The following PHRF1 variants were observed in gnomAD, a reference collection of about 807,000 sequenced individuals.
PHRF1 encodes PHD and RING finger domain-containing protein 1.
PHRF1 carries 53 observed loss-of-function variants against 128.9 expected under a neutral mutation model. That is an observed-to-expected ratio of 0.41 (90% confidence interval 0.33 to 0.52). PHRF1 has a LOEUF of 0.52. Ranked by LOEUF, PHRF1 falls within the 20% of genes least tolerant of loss-of-function variation. The pLI is 0.21. For missense variants in PHRF1, 2,503 were observed against 2,284.5 expected (o/e 1.10, Z -1.95); for synonymous variants, 1,178 against 980.6 (o/e 1.20, Z -3.76).
intron 9 of PHRF1, among the ~76,000 whole-genome samples, chr11:599,257 T>TTC (rs1350017644): frequency 7.0e-6 from 1 of 143,220 alleles, no homozygotes; most frequent in Non-Finnish European, 1.5e-5. Context: ...TCTTTTCTTT[T>TTC]TTTTTTTTTT....
rs117610358 is a variant in PHRF1 at position 594,414 on chromosome 11, T to C, written c.620+1740T>C. Among the ~76,000 whole-genome samples the C allele has an allele frequency of 8.0e-4, 122 of 152,352 alleles. No homozygotes were observed. In the East Asian group the frequency reaches 0.02, roughly 25 times the overall value. ...GCCTGGTTTTCCTGTTAGCTTTTAT[T>C]TTACTCATTTACTTATTTTTTTCAA... On this transcript the variant is annotated intron_variant, in intron 6 of 17. Transcript: ENST00000264555.
Position 597,555 on chromosome 11 carries a change from G to C in PHRF1, c.879G>C (p.Thr293=). ...CCGTGAACCGGAACCGGATCTCCAC[G>C]GCCAGGAGGGTCCAGGTGGGTGGCC... is the stretch of plus-strand genomic sequence containing the variant. ...RATVNRNRIS[T]ARRVQHTPGR... is the part of the protein sequence containing the mutation. The change falls in exon 8 of 18, where the codon ACG becomes ACC. Residue 293 remains threonine, a synonymous_variant. Transcript: ENST00000264555. This position sits in a 1 kb window ranked among gnomAD's most constrained non-coding sequence, Gnocchi z 6.5. The C allele has an allele frequency of 6.2e-7, 1 of 1,611,476 alleles. No individual in the cohort carries two copies. The highest frequency in any genetic ancestry group is 8.5e-7 in the Non-Finnish European group (1 of 1,179,244).
intron 4 of PHRF1, among the ~76,000 whole-genome samples, 190 bp from the exon 5 acceptor site, chr11:591,194 G>A (rs372668206): frequency 6.6e-6 from 1 of 152,124 alleles, no homozygotes; most frequent in African/African-American, 2.4e-5. Context: ...TTTCCTCCCC[G>A]CTAGGGCTGG....
chr11:596,880 T>C, intron 6 of PHRF1, 43 bp from the exon 7 acceptor site: 2 of 1,574,498 alleles, frequency 1.3e-6, no homozygotes, highest in Non-Finnish European at 1.7e-6. Flanking sequence ...TTGGGAAAGC[T>C]GTGAGCAGCA....
chr11:604,636 T>C (rs535343709), intron 10 of PHRF1, among the ~76,000 whole-genome samples: 2 of 152,282 alleles, frequency 1.3e-5, no homozygotes, highest in Admixed American at 6.5e-5. Context: ...TGCCTCAGCC[T>C]CCTGAGTAGC....
Position 597,011 on chromosome 11 carries a change from C to T in PHRF1, c.709C>T (p.Leu237Phe). Residue 237 changes from leucine to phenylalanine, a missense_variant, in exon 7 of 18, where the codon CTT becomes TTT. Transcript: ENST00000264555. This position sits in a 1 kb window ranked among gnomAD's most constrained non-coding sequence, Gnocchi z 6.5. ...GGAATGTGCTGCGCCTGGTGTTGTC[C>T]TTGCCGCTGGTAAGGACACTGCTCC... ...CPECAAPGVV[L>F]AADAGPVSEE... 1 of 1,613,788 alleles carries T rather than the reference C, an allele frequency of 6.2e-7. No individual in the cohort carries two copies. The highest frequency in any genetic ancestry group is 8.5e-7 in the Non-Finnish European group (1 of 1,179,836).
intron 6 of PHRF1, 56 bp downstream of exon 6, chr11:592,730 C>G: frequency 1.3e-6 from 2 of 1,565,590 alleles, no homozygotes; most frequent in Non-Finnish European, 1.8e-6. Flanking sequence ...GCGGGCCAGG[C>G]GCAGGAGGGA....
rs1166811589 is a variant in PHRF1, at chr11:612,016, C to T, written c.*239C>T. ...CACTTTTGTATGTATATTATAGAGA[C>T]ACTGTTTCCATTCTAATTTATCAAA... is the stretch of plus-strand genomic sequence containing the variant. On this transcript the variant is annotated 3_prime_UTR_variant, in exon 18 of 18. Transcript: ENST00000264555. 9.2e-6 allele frequency: 5 copies of T among 543,134 alleles called. No individual in the cohort carries two copies. Among genetic ancestry groups the T allele is most frequent in the African/African-American group, 3.8e-5 (2 of 52,520 alleles). The allele number at this position is 543,134 out of a possible 1,614,324, so 33.6% of individuals were successfully genotyped here. A position where few individuals can be genotyped will look rare whatever the true frequency, so the allele number is the denominator to read the frequency against.
rs376870140 is a variant in PHRF1 at position 605,638 on chromosome 11, T to C, written c.1368T>C (p.Pro456=). The stretch of plus-strand genomic sequence containing the variant: ...AGCTTTCTGCAAACCCTCTTTCCCC[T>C]CTGAGTGCCAAGAGACGGGCTCTGT... The part of the protein sequence containing the change: ...SEELSANPLS[P]LSAKRRALSR... Residue 456 remains proline, a synonymous_variant, in exon 12 of 18, where the codon CCT becomes CCC. Transcript: ENST00000264555. The C allele has an allele frequency of 6.1e-5, 98 of 1,613,644 alleles. No homozygotes were observed. The highest frequency in any genetic ancestry group is 8.0e-5 in the Non-Finnish European group (94 of 1,179,878).
chr11:592,789 GTGC>G (rs1303029624), intron 6 of PHRF1, 115 bp downstream of exon 6: 1 of 1,146,558 alleles, frequency 8.7e-7, no homozygotes, highest in East Asian at 2.4e-5. Context: ...ACCTGGAGCT[GTGC>G]TCACCACCCT....
In PHRF1 at chr11:607,430, T is replaced by TC. The variant is rs1856019103; in HGVS notation, c.1975dup (p.Arg659ProfsTer20). The TC allele has an allele frequency of 6.2e-7, 1 of 1,612,674 alleles. No individual in the cohort carries two copies. The highest frequency in any genetic ancestry group is 1.3e-5 in the African/African-American group (1 of 74,940). On this transcript the variant is annotated frameshift_variant, in exon 14 of 18. Transcript: ENST00000264555. LOFTEE classifies it high-confidence loss of function. The stretch of plus-strand genomic sequence containing the variant: ...CAAGCAGAGATTCTAAGCCCCCATG[T>TC]CGCAGTGTGGTGCCGGGGCCTCCCC...
At chr11:578,764 G>C (rs1315798778) in intron 1 of PHRF1, among the ~76,000 whole-genome samples, 1 of 152,148 alleles carries the variant, frequency 6.6e-6, no homozygotes, top group East Asian at 1.9e-4. Context: ...TGCCCAGGCT[G>C]GTCTCATAAC....
At position 582,004 on chromosome 11, in the gene PHRF1, G is replaced by T. The variant is rs771564843; in HGVS notation, c.137G>T (p.Ser46Ile). 2 of 1,608,150 alleles carry T rather than the reference G, an allele frequency of 1.2e-6. No individual in the cohort carries two copies. The highest frequency in any genetic ancestry group is 2.2e-5 in the South Asian group (2 of 89,510). The change falls in exon 3 of 18, where the codon AGT becomes ATT. Residue 46 changes from serine (S) to isoleucine (I), a missense_variant. Transcript: ENST00000264555. ...VGSSGDSGDD[S>I]DSEHGDGTDG... is the part of the protein sequence containing the mutation. The stretch of plus-strand genomic sequence containing the variant: ...AGCAGTGGGGACTCTGGGGACGACA[G>T]TGACAGCGAGCATGGAGATGGCACA...
chr11:598,251 T>A, intron 8 of PHRF1, 122 bp from the exon 9 acceptor site: 1 of 1,314,486 alleles, frequency 7.6e-7, no homozygotes, highest in Non-Finnish European at 1.0e-6. Context: ...CAGTGGCGGG[T>A]GGGGAGGCTG....
In PHRF1 at chr11:607,296, C is replaced by T. The variant is rs765521139; in HGVS notation, c.1840C>T (p.Arg614Trp). The T allele has an allele frequency of 1.5e-5, 24 of 1,612,560 alleles. No individual in the cohort carries two copies. In the Admixed American group the frequency reaches 2.3e-4, roughly 16 times the overall value. The change falls in exon 14 of 18, where the codon CGG (arginine) becomes TGG (tryptophan). Residue 614 changes from arginine to tryptophan, a missense_variant. Physicochemically the swap from Arg to Trp is moderately radical, Grantham distance 101 (BLOSUM62 -3). Transcript: ENST00000264555. The stretch of plus-strand genomic sequence containing the variant: ...AGCAGCCCCTGGGGCGGTTCAGGCT[C>T]GGAACTTGTCAAATGGGAGTGTGCC... ...LPAAPGAVQA[R>W]NLSNGSVPGF...
intron 1 of PHRF1, among the ~76,000 whole-genome samples, chr11:579,712 C>T (rs1254755300): frequency 6.6e-6 from 1 of 152,204 alleles, no homozygotes; most frequent in Non-Finnish European, 1.5e-5. Flanking sequence ...CTTAGGGTGG[C>T]AGGTAGAAGA....
intron 1 of PHRF1, among the ~76,000 whole-genome samples, chr11:580,940 C>T (rs1217008307): frequency 2.6e-5 from 4 of 152,112 alleles, no homozygotes; most frequent in Non-Finnish European, 5.9e-5. Context: ...CCGCCTGCCT[C>T]GGCCTCTCAA....
At position 609,161 on chromosome 11, in the gene PHRF1, C is replaced by T. The variant is rs745343521; in HGVS notation, c.3705C>T (p.Ala1235=). 181 of 1,606,062 alleles carry T rather than the reference C, an allele frequency of 1.1e-4. 1 individual carries two copies. Among genetic ancestry groups the T allele is most frequent in the South Asian group, 5.2e-4 (47 of 91,056 alleles). ...EAHVSPEVAT[A]DKAPLQAPPV... ...ATGTCTCGCCGGAGGTGGCTACGGCCGACAAGGCCCCCCTGCAGGCTCCCC... is the reference window on the plus strand; with the variant it reads ...ATGTCTCGCCGGAGGTGGCTACGGCTGACAAGGCCCCCCTGCAGGCTCCCC... Residue 1235 remains alanine (A), a synonymous_variant, in exon 14 of 18, where the codon GCC becomes GCT. Coordinates refer to ENST00000264555, the MANE Select transcript of PHRF1 (RefSeq NM_001286581.2).
Position 610,941 on chromosome 11 carries a change from A to T in PHRF1, c.4678-13A>T. ...CTCCCTTCCTGGCCGCATCACACAC[A>T]TGTCCCCTCTAGTACATGAAGAAGC... is the stretch of plus-strand genomic sequence containing the variant. On this transcript the variant is annotated splice_polypyrimidine_tract_variant and intron_variant, in intron 16 of 17. Transcript: ENST00000264555. 1 of 1,612,204 alleles carries T rather than the reference A, an allele frequency of 6.2e-7. No homozygotes were observed. The highest frequency in any genetic ancestry group is 8.5e-7 in the Non-Finnish European group (1 of 1,179,308).
Sources: allele counts gnomAD v4.1 joint callset (sites outside exome capture counted in the v4.1 genomes callset), GRCh38; gene constraint gnomAD v4.1.1; non-coding constraint Gnocchi (gnomAD v3.1); transcripts MANE v1.5; gene names NCBI Gene and HGNC (gene_info 2026-07-23, HGNC 2026-07-21).